Variants in SLC2A13 observed in about 807,000 individuals in gnomAD.
SLC2A13 encodes the protein proton myo-inositol cotransporter.
SLC2A13 carries 32 observed loss-of-function variants against 64.4 expected under a neutral mutation model. The observed-to-expected ratio is 0.50, with a 90% CI of 0.37 to 0.67. The LOEUF (loss-of-function observed/expected upper bound fraction) is 0.67, where lower values mean the gene tolerates loss of function less well. Ranked by LOEUF, SLC2A13 falls within the 30% of genes least tolerant of loss-of-function variation. SLC2A13 has a pLI of 0.00. For missense variants in SLC2A13, 743 were observed against 829.2 expected (o/e 0.90, Z 1.28); for synonymous variants, 338 against 327.1 (o/e 1.03, Z -0.36).
At position 39,758,761 on chromosome 12, in the gene SLC2A13, A is replaced by G. The variant is rs1276006148; in HGVS notation, c.*1265T>C. Reference sequence around the variant, plus strand: ...ACAAGAAGGAAAAACTAAGCCAAGAATAAGAAAAACACAGAGACAAATCTA... The same window carrying G: ...ACAAGAAGGAAAAACTAAGCCAAGAGTAAGAAAAACACAGAGACAAATCTA... On this transcript the variant is annotated 3_prime_UTR_variant, in exon 10 of 10. Coordinates refer to ENST00000280871, the MANE Select transcript of SLC2A13 (RefSeq NM_052885.4). 1 of 152,052 alleles carries G rather than the reference A, an allele frequency of 6.6e-6. No homozygotes were observed. Among genetic ancestry groups the G allele is most frequent in the Non-Finnish European group, 1.5e-5 (1 of 67,866 alleles). The allele number at this position is 152,052 out of a possible 1,614,324, so 9.4% of individuals were successfully genotyped here.
chr12:39,849,095 GTAA>G (rs1183445039), intron 6 of SLC2A13, among the ~76,000 whole-genome samples: 2 of 152,124 alleles, frequency 1.3e-5, no homozygotes, highest in East Asian at 3.9e-4. Flanking sequence ...CCTGGGAGAT[GTAA>G]TAATATGTAC....
At chr12:40,099,359 G>C (rs1223731202) in intron 1 of SLC2A13, among the ~76,000 whole-genome samples, 1 of 152,150 alleles carries the variant, frequency 6.6e-6, no homozygotes, top group Non-Finnish European at 1.5e-5. Flanking sequence ...ATGTACAAAG[G>C]AGCCAAGTAC....
chr12:39,991,292 TCTCAAATGGGCTCCAAGTGACATC>T (rs1256806033), intron 3 of SLC2A13, among the ~76,000 whole-genome samples: 2 of 152,174 alleles, frequency 1.3e-5, no homozygotes, highest in African/African-American at 4.8e-5. Context: ...TTTTCCTTCA[TCTCAAATGGGCTCCAAGTGACATC>T]GTAGCCCTAC....
intron 3 of SLC2A13, among the ~76,000 whole-genome samples, chr12:40,011,316 C>A (rs901581589): frequency 1.2e-4 from 18 of 152,118 alleles, no homozygotes; most frequent in African/African-American, 4.1e-4. Context: ...ATCAAAAATG[C>A]CTCCAGACAT....
chr12:39,798,146 G>C (rs1362684119), intron 7 of SLC2A13, among the ~76,000 whole-genome samples: 2 of 152,182 alleles, frequency 1.3e-5, no homozygotes, highest in African/African-American at 4.8e-5. Context: ...TCCACATAAA[G>C]AGAGAAATTA....
At chr12:39,812,043 A>C (rs113967442) in intron 7 of SLC2A13, among the ~76,000 whole-genome samples, 1 of 152,218 alleles carries the variant, frequency 6.6e-6, no homozygotes, top group Non-Finnish European at 1.5e-5. Context: ...TTAAGCTGCT[A>C]TAACAGAATA....
At position 39,830,133 on chromosome 12, in the gene SLC2A13, T is replaced by G; in HGVS notation, c.1415A>C (p.Lys472Thr). 6.2e-7 allele frequency: 1 copy of G among 1,613,722 alleles called. No individual in the cohort carries two copies. Among genetic ancestry groups the G allele is most frequent in the Non-Finnish European group, 8.5e-7 (1 of 1,179,778 alleles). Residue 472 changes from lysine to threonine, a missense_variant, in exon 7 of 10, where the codon AAA (lysine) becomes ACA (threonine). Lys to Thr is a moderately conservative substitution (Grantham distance 78). This residue lies in a region of SLC2A13 where 295 missense variants were observed against 381.7 expected (regional missense o/e 0.77). Transcript: ENST00000280871. ...CCAGGCTGCCTCATTTGTAGATGCT[T>G]TATTAACTGGAACACAGGAGGAGTC... ...VIDSSCVPVN[K>T]ASTNEAAWGR...
chr12:39,985,491 A>C (rs1358658332), intron 3 of SLC2A13, among the ~76,000 whole-genome samples: 1 of 152,128 alleles, frequency 6.6e-6, no homozygotes, highest in Middle Eastern at 3.2e-3. Flanking sequence ...CTTCTGCTTG[A>C]AGTATCAAAA....
chr12:40,015,976 G>A (rs1341847135), intron 3 of SLC2A13, among the ~76,000 whole-genome samples: 14 of 152,076 alleles, frequency 9.2e-5, no homozygotes, highest in Admixed American at 9.2e-4. Flanking sequence ...TTCAAAAAAA[G>A]AATAATGCTC....
At chr12:40,042,247 T>A (rs1008052976) in intron 2 of SLC2A13, among the ~76,000 whole-genome samples, 2 of 152,236 alleles carry the variant, frequency 1.3e-5, no homozygotes, top group South Asian at 2.1e-4. Flanking sequence ...GTTTTTTTTT[T>A]AAAGTAGATC....
intron 3 of SLC2A13, among the ~76,000 whole-genome samples, chr12:39,957,580 C>T (rs1045204314): frequency 1.8e-4 from 28 of 152,118 alleles, no homozygotes; most frequent in Non-Finnish European, 4.0e-4. Flanking sequence ...AGGGAGTTCT[C>T]CATTCCCACA....
At chr12:39,910,226 T>C (rs1945397622) in intron 4 of SLC2A13, among the ~76,000 whole-genome samples, 1 of 152,148 alleles carries the variant, frequency 6.6e-6, no homozygotes, top group Non-Finnish European at 1.5e-5. Flanking sequence ...GACATGCATG[T>C]CCATCTTTAA....
At chr12:40,080,333 C>T (rs1040179573) in intron 1 of SLC2A13, among the ~76,000 whole-genome samples, 3 of 152,140 alleles carry the variant, frequency 2.0e-5, no homozygotes, top group Non-Finnish European at 2.9e-5. Flanking sequence ...GGGTCTTCTT[C>T]TTTATGCAAC....
intron 3 of SLC2A13, among the ~76,000 whole-genome samples, chr12:39,977,935 AATT>A (rs1295380910): frequency 6.6e-6 from 1 of 152,050 alleles, no homozygotes; most frequent in African/African-American, 2.4e-5. Flanking sequence ...CTCCTATCTA[AATT>A]ATTATCTTTA....
chr12:39,992,695 TTAG>T (rs1485042957), intron 3 of SLC2A13, among the ~76,000 whole-genome samples: 1 of 152,048 alleles, frequency 6.6e-6, no homozygotes, highest in Non-Finnish European at 1.5e-5. Context: ...ATATATGTTC[TTAG>T]TAGTAGTAGT....
At chr12:40,073,330 A>G (rs1348164493) in intron 1 of SLC2A13, among the ~76,000 whole-genome samples, 1 of 152,146 alleles carries the variant, frequency 6.6e-6, no homozygotes, top group Non-Finnish European at 1.5e-5. Context: ...GAGAAAAAAT[A>G]CTGGGGGGAA....
At chr12:39,846,823 T>C (rs1265796755) in intron 6 of SLC2A13, among the ~76,000 whole-genome samples, 1 of 152,154 alleles carries the variant, frequency 6.6e-6, no homozygotes, top group Non-Finnish European at 1.5e-5. Context: ...TCAGTCTTTC[T>C]GAAGGATAAA....
intron 3 of SLC2A13, among the ~76,000 whole-genome samples, chr12:40,015,169 GA>G (rs1226017053): frequency 0.011 from 1,604 of 142,388 alleles, 23 homozygotes; most frequent in African/African-American, 0.038. Context: ...CATTTAAGAA[GA>G]AAAAAAAAAA....
intron 3 of SLC2A13, among the ~76,000 whole-genome samples, chr12:39,995,862 C>T (rs887620919): frequency 3.3e-5 from 5 of 152,170 alleles, no homozygotes; most frequent in African/African-American, 1.2e-4. Flanking sequence ...TGCCTGCTAC[C>T]ATCCGTGAAA....
Sources: allele counts gnomAD v4.1 joint callset (sites outside exome capture counted in the v4.1 genomes callset), GRCh38; gene constraint gnomAD v4.1.1; regional missense constraint gnomAD v4.1.1; transcripts MANE v1.5; gene names NCBI Gene and HGNC (gene_info 2026-07-23, HGNC 2026-07-21).